Variants in ACOX2 observed in about 807,000 individuals in gnomAD.
ACOX2 encodes acyl-CoA oxidase 2, also known as peroxisomal acyl-coenzyme A oxidase 2.
In ACOX2, 59 loss-of-function variants were observed where a neutral mutation model predicts 77.5. The observed-to-expected ratio is 0.76, with a 90% CI of 0.62 to 0.95. The LOEUF (loss-of-function observed/expected upper bound fraction) is 0.95. Among genes scored for constraint, ACOX2 ranks in the 40% least tolerant of loss-of-function variants. The probability of loss-of-function intolerance (pLI) is 0.00; values close to 1 mark genes in which losing one functional copy is unlikely to be tolerated. For missense variants in ACOX2, 837 were observed against 880.4 expected (o/e 0.95, Z 0.62); for synonymous variants, 317 against 340.1 (o/e 0.93, Z 0.75).
Position 58,505,405 on chromosome 3 carries a change from A to G in ACOX2, c.1984-119T>C. 1.2e-6 allele frequency: 1 copy of G among 818,586 alleles called. No homozygotes were observed. The highest frequency in any genetic ancestry group is 2.8e-5 in the East Asian group (1 of 36,018). 50.7% of individuals were successfully genotyped at this position (818,586 alleles called of 1,614,324 possible). A position where few individuals can be genotyped will look rare whatever the true frequency, so the allele number is the denominator to read the frequency against. ...AACATTACGTAAGATTCTTAATTTT[A>G]AAAATTATTTCTAAGACTCATTTTG... On this transcript the variant is annotated intron_variant, in intron 14 of 14. Transcript: ENST00000302819. The surrounding 1 kb of genome is among the most constrained non-coding windows in gnomAD (Gnocchi z 4.4).
At chr3:58,517,128 G>T in intron 13 of ACOX2, 78 bp downstream of exon 13, 1 of 1,502,912 alleles carries the variant, frequency 6.7e-7, no homozygotes. Context: ...GCAAGGTTTT[G>T]GAGTTGGAAG....
rs764046245 is a variant in ACOX2 at position 58,522,481 on chromosome 3, C to G, written c.1632+15G>C. The G allele has an allele frequency of 6.2e-7, 1 of 1,612,748 alleles. No individual in the cohort carries two copies. Among genetic ancestry groups the G allele is most frequent in the East Asian group, 2.2e-5 (1 of 44,860 alleles). On this transcript the variant is annotated intron_variant, in intron 12 of 14. Transcript: ENST00000302819. The surrounding 1 kb of genome is among the most constrained non-coding windows in gnomAD (Gnocchi z 4.3). The stretch of plus-strand genomic sequence containing the variant: ...CAAAATGGATCCCTTTCAGCTTCAG[C>G]TGGCAGGCGCTCACCTTAGCAGCCT...
chr3:58,522,737 T>G lies in ACOX2; in HGVS notation c.1527-136A>C. ...ATGTGCCATAAAGCTAAATGATTGA[T>G]ATTTATTATCTTTTTAACTCTTTTA... On this transcript the variant is annotated intron_variant, in intron 11 of 14. Transcript: ENST00000302819. This position sits in a 1 kb window ranked among gnomAD's most constrained non-coding sequence, Gnocchi z 4.3. 1 of 769,462 alleles carries G rather than the reference T, an allele frequency of 1.3e-6. No individual in the cohort carries two copies. The highest frequency in any genetic ancestry group is 2.5e-5 in the Admixed American group (1 of 39,876). The allele number at this position is 769,462 out of a possible 1,614,324, so 47.7% of individuals were successfully genotyped here.
At chr3:58,529,888 C>T (rs1424473369) in intron 8 of ACOX2, among the ~76,000 whole-genome samples, 2 of 152,320 alleles carry the variant, frequency 1.3e-5, no homozygotes, top group African/African-American at 4.8e-5. Context: ...TCAGGCAGCC[C>T]TTGCTATTCT....
Position 58,517,198 on chromosome 3 carries a change from C to T in ACOX2, c.1850+8G>A, listed in dbSNP as rs2063326918. On this transcript the variant is annotated splice_region_variant and intron_variant, in intron 13 of 14. Transcript: ENST00000302819. ...AGACTAACATGGTTTGAAGTCTCTG[C>T]CACTCACCGGATCAGGCGGAGCAGG... 1 of 1,613,118 alleles carries T rather than the reference C, an allele frequency of 6.2e-7. No individual in the cohort carries two copies. Among genetic ancestry groups the T allele is most frequent in the Non-Finnish European group, 8.5e-7 (1 of 1,179,668 alleles).
rs200767808 is a variant in ACOX2, at chr3:58,505,304, C to T, written c.1984-18G>A. 6.7e-4 allele frequency: 1,077 copies of T among 1,604,078 alleles called. 1 individual carries two copies. The highest frequency in any genetic ancestry group is 8.3e-4 in the Non-Finnish European group (978 of 1,172,646). On this transcript the variant is annotated intron_variant, in intron 14 of 14. Coordinates refer to ENST00000302819, the MANE Select transcript of ACOX2 (RefSeq NM_003500.4). This position sits in a 1 kb window ranked among gnomAD's most constrained non-coding sequence, Gnocchi z 4.4. ...GGGTTCTCCTGTTTGTAGAAAGAAA[C>T]GCATTATTAACACAGTACATTTCTG...
rs1225312790 is a variant in ACOX2, at chr3:58,522,316, T to C, written c.1632+180A>G. ...TTTCCCCTAAGAGCTGCCAGCAAGATTGCTTTGGAGTTAAGTCCTTTAATT... is the reference window on the plus strand; with the variant it reads ...TTTCCCCTAAGAGCTGCCAGCAAGACTGCTTTGGAGTTAAGTCCTTTAATT... On this transcript the variant is annotated intron_variant, in intron 12 of 14. Coordinates refer to ENST00000302819, the MANE Select transcript of ACOX2 (RefSeq NM_003500.4). The surrounding 1 kb of genome is among the most constrained non-coding windows in gnomAD (Gnocchi z 4.3). 6.6e-6 allele frequency among the ~76,000 whole-genome samples: 1 copy of C among 152,226 alleles called. No homozygotes were observed. Among genetic ancestry groups the C allele is most frequent in the African/African-American group, 2.4e-5 (1 of 41,462 alleles).
At chr3:58,511,047 G>T in intron 13 of ACOX2, 1 of 456,158 alleles carries the variant, frequency 2.2e-6, no homozygotes, top group Non-Finnish European at 4.4e-6. Context: ...GCTTTACATC[G>T]TATTTCACTA....
Position 58,535,279 on chromosome 3 carries a change from G to A in ACOX2, c.-91-82C>T, listed in dbSNP as rs1369497882. 4.2e-6 allele frequency: 3 copies of A among 716,612 alleles called. No homozygotes were observed. The highest frequency in any genetic ancestry group is 1.8e-5 in the South Asian group (1 of 56,188). 44.4% of individuals were successfully genotyped at this position (716,612 alleles called of 1,614,324 possible). On this transcript the variant is annotated intron_variant, in intron 1 of 14. Transcript: ENST00000302819. The surrounding 1 kb of genome is among the most constrained non-coding windows in gnomAD (Gnocchi z 4.8). ...GAAAGACATCCCTAAGTACCTGAATGCCACTCCACCTCCCCACTCCCCCTG... is the reference window on the plus strand; with the variant it reads ...GAAAGACATCCCTAAGTACCTGAATACCACTCCACCTCCCCACTCCCCCTG...
rs748462053 is a variant in ACOX2 at position 58,526,672 on chromosome 3, G to A, written c.1156-16C>T. ...GTGCGTGGAGCTGTGAGAACATGGA[G>A]GGGGGTTGGGCGGTGTTAGGGGGCC... On this transcript the variant is annotated splice_polypyrimidine_tract_variant and intron_variant, in intron 9 of 14. Coordinates refer to ENST00000302819, the MANE Select transcript of ACOX2 (RefSeq NM_003500.4). This position sits in a 1 kb window ranked among gnomAD's most constrained non-coding sequence, Gnocchi z 4.3. 18 of 1,610,542 alleles carry A rather than the reference G, an allele frequency of 1.1e-5. No homozygotes were observed. In the East Asian group the frequency reaches 2.9e-4, roughly 26 times the overall value.
chr3:58,507,702 C>G (rs2063245206), intron 14 of ACOX2, among the ~76,000 whole-genome samples: 1 of 152,306 alleles, frequency 6.6e-6, no homozygotes, highest in South Asian at 2.1e-4. Context: ...GAAAAAGTAA[C>G]ACACTGGAAG....
chr3:58,519,650 T>C lies in ACOX2; in HGVS notation c.1633-2227A>G, dbSNP rs1349796073. Among the ~76,000 whole-genome samples, 1 of 151,772 alleles carries C rather than the reference T, an allele frequency of 6.6e-6. No homozygotes were observed. On this transcript the variant is annotated intron_variant, in intron 12 of 14. Transcript: ENST00000302819. This position sits in a 1 kb window ranked among gnomAD's most constrained non-coding sequence, Gnocchi z 5.0. ...AGAATTTGCTCTGTGGGACTGGGAG[T>C]CTTCAGCTGGGCAGTGACCCGATCC...
chr3:58,531,706 G>A lies in ACOX2; in HGVS notation c.690C>T (p.His230=), dbSNP rs781196905. The A allele has an allele frequency of 6.2e-7, 1 of 1,614,122 alleles. No homozygotes were observed. The highest frequency in any genetic ancestry group is 8.5e-7 in the Non-Finnish European group (1 of 1,179,998). The change falls in exon 6 of 15, where the codon CAC becomes CAT. Residue 230 remains histidine (H), a synonymous_variant. Coordinates refer to ENST00000302819, the MANE Select transcript of ACOX2 (RefSeq NM_003500.4). This position sits in a 1 kb window ranked among gnomAD's most constrained non-coding sequence, Gnocchi z 5.8. ...FIVPIRSLQD[H]TPLPGIIIGD... ...TTATGGGCTTACCTGGCAGTGGGGT[G>A]TGGTCCTGAAGACTCCGGATTGGCA... is the stretch of plus-strand genomic sequence containing the variant.
At position 58,505,283 on chromosome 3, in the gene ACOX2, TCTC is replaced by T. The variant is rs766533813; in HGVS notation, c.1984_1986del (p.Glu662del). On this transcript the variant is annotated inframe_deletion and splice_region_variant, in exon 15 of 15. Coordinates refer to ENST00000302819, the MANE Select transcript of ACOX2 (RefSeq NM_003500.4). The surrounding 1 kb of genome is among the most constrained non-coding windows in gnomAD (Gnocchi z 4.4). ...CTTATATATTCCTCATAGGCAGGGT[TCTC>T]CTGTTTGTAGAAAGAAACGCATTAT... 2.8e-5 allele frequency: 45 copies of T among 1,612,038 alleles called. No homozygotes were observed. Among genetic ancestry groups the T allele is most frequent in the Admixed American group, 6.7e-5 (4 of 59,752 alleles).
In ACOX2 at chr3:58,515,427, G is replaced by GT. The variant is rs1424872675; in HGVS notation, c.1850+1778dup. Among the ~76,000 whole-genome samples, 4 of 152,180 alleles carry GT rather than the reference G, an allele frequency of 2.6e-5. No individual in the cohort carries two copies. The highest frequency in any genetic ancestry group is 3.8e-4 in the East Asian group (2 of 5,196). ...TGAGAAATAAAAGGAATTTGGTCTA[G>GT]TTTTTTAAAAACCTGTCTTAAAATC... On this transcript the variant is annotated intron_variant, in intron 13 of 14. Transcript: ENST00000302819. This position sits in a 1 kb window ranked among gnomAD's most constrained non-coding sequence, Gnocchi z 4.0.
chr3:58,524,465 G>C lies in ACOX2; in HGVS notation c.1487C>G (p.Pro496Arg), dbSNP rs748955764. The C allele has an allele frequency of 1.2e-6, 2 of 1,613,078 alleles. No individual in the cohort carries two copies. The highest frequency in any genetic ancestry group is 1.3e-5 in the African/African-American group (1 of 74,862). ...PAQRAADFLC[P>R]ELYTTAWAHV... ...TGCCCAGGCCGTGGTGTAGAGCTCCGGGCAGAGGAAGTCGGCTGCCCTCTG... is the reference window on the plus strand; with the variant it reads ...TGCCCAGGCCGTGGTGTAGAGCTCCCGGCAGAGGAAGTCGGCTGCCCTCTG... The change falls in exon 11 of 15, where the codon CCG becomes CGG. Residue 496 changes from proline (P) to arginine (R), a missense_variant. Pro to Arg is a moderately radical substitution (Grantham distance 103). Coordinates refer to ENST00000302819, the MANE Select transcript of ACOX2 (RefSeq NM_003500.4). The surrounding 1 kb of genome is among the most constrained non-coding windows in gnomAD (Gnocchi z 5.5).
Position 58,531,947 on chromosome 3 carries a change from G to C in ACOX2, c.584-135C>G. On this transcript the variant is annotated intron_variant, in intron 5 of 14. Transcript: ENST00000302819. The surrounding 1 kb of genome is among the most constrained non-coding windows in gnomAD (Gnocchi z 5.8). The stretch of plus-strand genomic sequence containing the variant: ...GAAAAGTCACTGATCAAAGAGAGAG[G>C]GGATTGCCCCCAAAGAACCAAGCAA... The C allele has an allele frequency of 1.5e-6, 2 of 1,327,024 alleles. No individual in the cohort carries two copies. The highest frequency in any genetic ancestry group is 1.7e-5 in the South Asian group (1 of 60,226). The allele number at this position is 1,327,024 out of a possible 1,614,324, so 82.2% of individuals were successfully genotyped here.
rs34399293 is a variant in ACOX2 at position 58,525,410 on chromosome 3, T to A, written c.1347-805A>T. ...CTGAGAATAGGTGAGGATGAGGCTCTGTCGGCCTCCAGGGCCCACAGACCT... is the reference window on the plus strand; with the variant it reads ...CTGAGAATAGGTGAGGATGAGGCTCAGTCGGCCTCCAGGGCCCACAGACCT... On this transcript the variant is annotated intron_variant, in intron 10 of 14. Transcript: ENST00000302819. The surrounding 1 kb of genome is among the most constrained non-coding windows in gnomAD (Gnocchi z 5.0). 0.09 allele frequency among the ~76,000 whole-genome samples: 13,658 copies of A among 152,280 alleles called. 1,027 individuals carry two copies. Among genetic ancestry groups the A allele is most frequent in the African/African-American group, 0.21 (8,752 of 41,536 alleles).
In ACOX2 at chr3:58,515,128, A is replaced by T. The variant is rs1038702525; in HGVS notation, c.1850+2078T>A. ...AGCCTCTGCCTCCCGGGTTCAAGCG[A>T]TTCTGCCTCAGCCTCCCAAGTAACT... On this transcript the variant is annotated intron_variant, in intron 13 of 14. Transcript: ENST00000302819. This position sits in a 1 kb window ranked among gnomAD's most constrained non-coding sequence, Gnocchi z 4.0. 6.6e-5 allele frequency among the ~76,000 whole-genome samples: 10 copies of T among 152,046 alleles called. No homozygotes were observed. Among genetic ancestry groups the T allele is most frequent in the African/African-American group, 2.4e-4 (10 of 41,476 alleles).
Sources: allele counts gnomAD v4.1 joint callset (sites outside exome capture counted in the v4.1 genomes callset), GRCh38; gene constraint gnomAD v4.1.1; non-coding constraint Gnocchi (gnomAD v3.1); transcripts MANE v1.5; gene names NCBI Gene and HGNC (gene_info 2026-07-23, HGNC 2026-07-21).